The following NUP210 variants were observed in gnomAD, a reference collection of about 807,000 sequenced individuals.
The protein encoded by NUP210 is nucleoporin 210.
In NUP210, 151 loss-of-function variants were observed where a neutral mutation model predicts 196.0. That is an observed-to-expected ratio of 0.77 (90% CI 0.67 to 0.88). The LOEUF is 0.88. NUP210 is among the 40% of genes least tolerant of loss of function. The pLI is 0.00. For missense variants in NUP210, 2,314 were observed against 2,493.7 expected (o/e 0.93, Z 1.53); for synonymous variants, 1,070 against 1,052.7 (o/e 1.02, Z -0.32).
At chr3:13,397,239 T>A in intron 3 of NUP210, 118 bp downstream of exon 3, 3 of 1,275,452 alleles carry the variant, frequency 2.4e-6, no homozygotes, top group Non-Finnish European at 3.2e-6. Context: ...AGAGCTGCCC[T>A]CTAGGGACCT....
Position 13,352,029 on chromosome 3 carries a change from G to A in NUP210, c.2734-49C>T, listed in dbSNP as rs766783157. 35 of 1,603,290 alleles carry A rather than the reference G, an allele frequency of 2.2e-5. No individual in the cohort carries two copies. In the Admixed American group the frequency reaches 2.7e-4, roughly 12 times the overall value. On this transcript the variant is annotated intron_variant, in intron 19 of 39. Transcript: ENST00000254508. ...GGTTGGGCCGCATGTGGGAGGGCGA[G>A]GAGTCCCCCCGTGGGTCTTGCCCAG...
chr3:13,335,382 GGC>G lies in NUP210; in HGVS notation c.3843+70_3843+71del, dbSNP rs1697168669. The G allele has an allele frequency of 3.1e-5, 48 of 1,538,660 alleles. No homozygotes were observed. The Middle Eastern group carries it at 3.1e-3, about 99-fold the overall frequency. On this transcript the variant is annotated intron_variant, in intron 28 of 39. Coordinates refer to ENST00000254508, the MANE Select transcript of NUP210 (RefSeq NM_024923.4). ...CTCAGCCCCTGCCCATGCAACATGT[GGC>G]CCCGAAGGAAGATTGGGCAGCTGGC...
intron 28 of NUP210, among the ~76,000 whole-genome samples, chr3:13,334,784 G>T (rs1050256877): frequency 2.6e-5 from 4 of 152,170 alleles, no homozygotes; most frequent in African/African-American, 9.7e-5. Flanking sequence ...ATAAGTAGCA[G>T]GGACAGGCTG....
chr3:13,332,506 C>T (rs1431265044), intron 28 of NUP210, 122 bp from the exon 29 acceptor site: 7 of 732,982 alleles, frequency 9.6e-6, no homozygotes, highest in African/African-American at 1.7e-5. Context: ...GCGGCTTTCT[C>T]GTCTGTCAGG....
intron 12 of NUP210, 21 bp downstream of exon 12, chr3:13,373,697 G>A (rs1417568543): frequency 6.2e-7 from 1 of 1,613,268 alleles, no homozygotes; most frequent in Non-Finnish European, 8.5e-7. Context: ...CCCAGGGGGT[G>A]TCTTGGCCCT....
intron 29 of NUP210, among the ~76,000 whole-genome samples, chr3:13,331,601 C>T (rs1331450999): frequency 2.0e-5 from 3 of 152,222 alleles, no homozygotes; most frequent in Non-Finnish European, 2.9e-5. Context: ...TACCCTCCTC[C>T]GGGGCACCCT....
chr3:13,377,381 G>T (rs551598797), intron 9 of NUP210, 75 bp downstream of exon 9: 201 of 1,040,972 alleles, frequency 1.9e-4, no homozygotes, highest in African/African-American at 2.7e-4. Flanking sequence ...GTTGCTTTGG[G>T]GGCTGCTCTT....
At position 13,332,333 on chromosome 3, in the gene NUP210, A is replaced by G. The variant is rs749617743; in HGVS notation, c.3895T>C (p.Leu1299=). The change falls in exon 29 of 40, where the codon TTA becomes CTA. Residue 1299 remains leucine, a synonymous_variant. Coordinates refer to ENST00000254508, the MANE Select transcript of NUP210 (RefSeq NM_024923.4). ...LNPEIEAEQI[L]MSPNSYIKLQ... Reference sequence around the variant, plus strand: ...TTTATATATGAGTTGGGCGACATTAATATTTGTTCTGCTTCTATTTCAGGG... The same window carrying G: ...TTTATATATGAGTTGGGCGACATTAGTATTTGTTCTGCTTCTATTTCAGGG... 1.9e-6 allele frequency: 3 copies of G among 1,613,766 alleles called. No homozygotes were observed. The highest frequency in any genetic ancestry group is 1.1e-5 in the South Asian group (1 of 91,076).
At chr3:13,341,666 G>A in intron 23 of NUP210, 82 bp downstream of exon 23, 1 of 1,472,076 alleles carries the variant, frequency 6.8e-7, no homozygotes, top group Admixed American at 1.9e-5. Context: ...CTCTACAGTA[G>A]CTTCCTGGAC....
intron 15 of NUP210, 52 bp downstream of exon 15, chr3:13,360,218 T>C (rs1203043736): frequency 6.8e-7 from 1 of 1,470,576 alleles, no homozygotes; most frequent in Non-Finnish European, 9.5e-7. Context: ...GAGAGAGTCA[T>C]TTTCCACCCC....
rs2271504 is a variant in NUP210 at position 13,342,040 on chromosome 3, A to G, written c.3048T>C (p.Phe1016=). ...AGGCTGCTCGGAGCTTCAGGTCCAT[A>G]AAGGGGAAGTATTTGGCAAGGAAGG... The part of the protein sequence containing the change: ...KKPFLAKYFP[F]MDLKLRAASP... Residue 1016 remains phenylalanine, a synonymous_variant, in exon 22 of 40, where the codon TTT becomes TTC. Coordinates refer to ENST00000254508, the MANE Select transcript of NUP210 (RefSeq NM_024923.4). 911,736 of 1,613,792 alleles carry G rather than the reference A, an allele frequency of 0.56. 262,999 individuals carry two copies. The highest frequency in any genetic ancestry group is 0.85 in the African/African-American group (63,971 of 74,992).
At chr3:13,364,775 C>G (rs865977631) in intron 14 of NUP210, among the ~76,000 whole-genome samples, 1 of 152,116 alleles carries the variant, frequency 6.6e-6, no homozygotes, top group African/African-American at 2.4e-5. Flanking sequence ...TTGCGGTGAG[C>G]AGAGATGGCG....
intron 9 of NUP210, among the ~76,000 whole-genome samples, chr3:13,377,084 G>A (rs1424136236): frequency 6.6e-6 from 1 of 152,210 alleles, no homozygotes; most frequent in African/African-American, 2.4e-5. Context: ...GACGTGCTCC[G>A]TGACTCTCTG....
At chr3:13,375,356 G>T in intron 11 of NUP210, 148 bp downstream of exon 11, 1 of 722,696 alleles carries the variant, frequency 1.4e-6, no homozygotes, top group Non-Finnish European at 2.1e-6. Flanking sequence ...GCATTGCTAT[G>T]ATGGAAACCT....
chr3:13,343,342 G>GGGGGGGGGGGGGGGGGGGGGGGT, intron 20 of NUP210, 39 bp from the exon 21 acceptor site: 3 of 655,992 alleles, frequency 4.6e-6, no homozygotes, highest in Admixed American at 2.5e-5. Context: ...TGGGTGGTGG[G>GGGGGGGGGGGGGGGGGGGGGGGT]TTACGCAGCT....
chr3:13,412,969 T>C (rs1371114739), intron 1 of NUP210, among the ~76,000 whole-genome samples: 1 of 149,732 alleles, frequency 6.7e-6, no homozygotes, highest in Non-Finnish European at 1.5e-5. Flanking sequence ...AGACTCTGTC[T>C]CAAAAAAAGA....
chr3:13,349,157 G>A (rs936944719), intron 20 of NUP210, among the ~76,000 whole-genome samples: 2 of 152,180 alleles, frequency 1.3e-5, no homozygotes, highest in African/African-American at 2.4e-5. Context: ...GCTGACATCT[G>A]GGAAGAACAA....
At chr3:13,378,435 C>T (rs993600986) in intron 8 of NUP210, among the ~76,000 whole-genome samples, 1 of 152,242 alleles carries the variant, frequency 6.6e-6, no homozygotes, top group Admixed American at 6.5e-5. Flanking sequence ...CTAAGCAATT[C>T]CCTCTGCCAG....
intron 8 of NUP210, among the ~76,000 whole-genome samples, chr3:13,378,189 C>T (rs73813571): frequency 0.035 from 5,332 of 151,708 alleles, 304 homozygotes; most frequent in African/African-American, 0.12. Context: ...GGCAGGTCTA[C>T]GCTCTGAATC....
Sources: gnomAD v4.1 joint callset for allele counts (sites outside exome capture counted in the v4.1 genomes callset) on GRCh38, gnomAD v4.1.1 for gene constraint, MANE v1.5 for transcripts, NCBI Gene and HGNC (gene_info 2026-07-23, HGNC 2026-07-21) for gene names.